The following SDK1 variants were observed in gnomAD, a reference collection of about 807,000 sequenced individuals.
SDK1 encodes the protein protein sidekick-1.
A neutral mutation model predicts 245.5 loss-of-function variants in SDK1; 157 were observed. That is an observed-to-expected ratio of 0.64 (90% CI 0.56 to 0.73). The LOEUF (loss-of-function observed/expected upper bound fraction) is 0.73. SDK1 is among the 30% of genes least tolerant of loss of function. The pLI, the probability that SDK1 is intolerant of heterozygous loss-of-function variation, is 0.00. For synonymous variants in SDK1, 1,647 were observed against 1,278.5 expected (o/e 1.29, Z -6.15); for missense variants, 3,583 against 3,002.3 (o/e 1.19, Z -4.52).
At chr7:3,780,735 G>T (rs1780705565) in intron 4 of SDK1, among the ~76,000 whole-genome samples, 1 of 151,070 alleles carries the variant, frequency 6.6e-6, no homozygotes, top group Non-Finnish European at 1.5e-5. Context: ...ACCACCCTGT[G>T]CAGGCAGAGA....
chr7:3,727,917 C>G (rs1378833615), intron 4 of SDK1, among the ~76,000 whole-genome samples: 1 of 152,230 alleles, frequency 6.6e-6, no homozygotes, highest in Non-Finnish European at 1.5e-5. Context: ...CAGGATACCA[C>G]ATTACATTTA....
At chr7:3,576,298 A>C (rs1780288950) in intron 1 of SDK1, among the ~76,000 whole-genome samples, 1 of 152,126 alleles carries the variant, frequency 6.6e-6, no homozygotes, top group Non-Finnish European at 1.5e-5. Flanking sequence ...GACAGTGGCC[A>C]CACCCAGGTG....
At chr7:3,621,661 C>A (rs988874920) in intron 2 of SDK1, among the ~76,000 whole-genome samples, 6 of 152,182 alleles carry the variant, frequency 3.9e-5, no homozygotes, top group Admixed American at 6.5e-5. Context: ...TCTTTTCCGA[C>A]CACCTGTAAT....
chr7:3,830,631 G>T (rs928831475), intron 5 of SDK1, among the ~76,000 whole-genome samples: 1 of 152,122 alleles, frequency 6.6e-6, no homozygotes. Flanking sequence ...GATTAGCTGG[G>T]ACTGCAGGTG....
chr7:3,378,525 A>G lies in SDK1; in HGVS notation c.298+76641A>G, dbSNP rs1317566811. Reference sequence around the variant, plus strand: ...AGGAGTGTACACATACACATGAGGAAACCTTGAGGTCGGGCAGGGATTTGG... The same window carrying G: ...AGGAGTGTACACATACACATGAGGAGACCTTGAGGTCGGGCAGGGATTTGG... On this transcript the variant is annotated intron_variant, in intron 1 of 44. Transcript: ENST00000404826. Among the ~76,000 whole-genome samples the G allele has an allele frequency of 2.0e-5, 3 of 152,232 alleles. No homozygotes were observed. In the East Asian group the frequency reaches 5.8e-4, roughly 29 times the overall value.
intron 1 of SDK1, among the ~76,000 whole-genome samples, chr7:3,317,989 GC>G (rs981420753): frequency 5.3e-5 from 8 of 151,984 alleles, no homozygotes; most frequent in African/African-American, 1.9e-4. Flanking sequence ...CTGATCCTCA[GC>G]CCCCTAGTTC....
At chr7:3,748,059 A>G (rs987444061) in intron 4 of SDK1, among the ~76,000 whole-genome samples, 1 of 149,440 alleles carries the variant, frequency 6.7e-6, no homozygotes. Flanking sequence ...TATGTGTTAT[A>G]GTATGTATCA....
chr7:3,859,146 G>A (rs897139321), intron 5 of SDK1, among the ~76,000 whole-genome samples: 1 of 152,114 alleles, frequency 6.6e-6, no homozygotes, highest in Non-Finnish European at 1.5e-5. Flanking sequence ...ACAGGCGTGA[G>A]CCACCAAGCC....
intron 19 of SDK1, among the ~76,000 whole-genome samples, chr7:4,058,815 C>T (rs1779360550): frequency 6.6e-6 from 1 of 152,180 alleles, no homozygotes; most frequent in Non-Finnish European, 1.5e-5. Flanking sequence ...TGAGGGAATT[C>T]ATCTCCACTG....
At chr7:4,174,426 G>C in intron 33 of SDK1, 69 bp downstream of exon 33, 2 of 1,491,336 alleles carry the variant, frequency 1.3e-6, no homozygotes, top group Non-Finnish European at 1.9e-6. Flanking sequence ...TCTGCTCAGT[G>C]CACATCATGG....
intron 29 of SDK1, 138 bp downstream of exon 29, chr7:4,146,054 A>G: frequency 2.9e-6 from 2 of 700,578 alleles, no homozygotes; most frequent in South Asian, 3.9e-5. Flanking sequence ...AGCATTTACA[A>G]AGCACCCATT....
chr7:3,682,569 G>C (rs1784136940), intron 4 of SDK1, among the ~76,000 whole-genome samples: 1 of 6,200 alleles, frequency 1.6e-4, no homozygotes, highest in East Asian at 3.6e-3. Context: ...ATGGGGCAGT[G>C]AGCCTTCAGC....
chr7:3,537,801 T>C (rs1444337460), intron 1 of SDK1, among the ~76,000 whole-genome samples: 2 of 152,180 alleles, frequency 1.3e-5, no homozygotes, highest in African/African-American at 4.8e-5. Flanking sequence ...ATTCCTCTTC[T>C]GCCTAGAAGG....
chr7:4,071,313 C>T (rs567543688), intron 20 of SDK1, among the ~76,000 whole-genome samples: 1 of 152,348 alleles, frequency 6.6e-6, no homozygotes, highest in African/African-American at 2.4e-5. Context: ...GCATGAGCCA[C>T]CACGCCTGGC....
chr7:4,140,007 C>T (rs1057203915), intron 28 of SDK1, among the ~76,000 whole-genome samples: 10 of 152,134 alleles, frequency 6.6e-5, no homozygotes, highest in African/African-American at 9.7e-5. Flanking sequence ...TCTGGGCCAG[C>T]TCTGCAAACG....
At chr7:4,183,348 C>T (rs1209711884) in intron 35 of SDK1, among the ~76,000 whole-genome samples, 3 of 152,130 alleles carry the variant, frequency 2.0e-5, no homozygotes, top group Admixed American at 6.5e-5. Flanking sequence ...ACTTACCCAG[C>T]TTACAGGCTG....
intron 5 of SDK1, among the ~76,000 whole-genome samples, chr7:3,935,799 G>T (rs759648119): frequency 3.9e-5 from 6 of 152,232 alleles, no homozygotes; most frequent in African/African-American, 4.8e-5. Context: ...TAGGAGAAAT[G>T]TATGACGAAG....
At position 3,974,471 on chromosome 7, in the gene SDK1, C is replaced by G. The variant is rs140928849; in HGVS notation, c.1920C>G (p.Gly640=). 1 of 1,613,968 alleles carries G rather than the reference C, an allele frequency of 6.2e-7. No individual in the cohort carries two copies. Among genetic ancestry groups the G allele is most frequent in the African/African-American group, 1.3e-5 (1 of 74,888 alleles). Residue 640 remains glycine, a synonymous_variant, in exon 13 of 45, where the codon GGC becomes GGG. Coordinates refer to ENST00000404826, the MANE Select transcript of SDK1 (RefSeq NM_152744.4). The part of the protein sequence containing the change: ...GSLLISQTWS[G]DIGDYSCEIV... Reference sequence around the variant, plus strand: ...TTCTCATCAGCCAGACGTGGTCAGGCGACATCGGTGACTACAGCTGCGAGA... The same window carrying G: ...TTCTCATCAGCCAGACGTGGTCAGGGGACATCGGTGACTACAGCTGCGAGA...
intron 1 of SDK1, among the ~76,000 whole-genome samples, chr7:3,426,593 T>C (rs1779684512): frequency 6.6e-6 from 1 of 152,180 alleles, no homozygotes; most frequent in South Asian, 2.1e-4. Context: ...GTCAGCAAAA[T>C]ATTAGCCTAG....
Sources: gnomAD v4.1 joint callset for allele counts (sites outside exome capture counted in the v4.1 genomes callset) on GRCh38, gnomAD v4.1.1 for gene constraint, MANE v1.5 for transcripts, NCBI Gene and HGNC (gene_info 2026-07-23, HGNC 2026-07-21) for gene names.